The following HMBOX1 variants were observed in gnomAD, a reference collection of about 807,000 sequenced individuals.
The protein encoded by HMBOX1 is homeobox-containing protein 1.
Under a neutral mutation model 54.5 loss-of-function variants are expected in HMBOX1, and 14 were observed. The observed-to-expected ratio is 0.26, with a 90% CI of 0.17 to 0.40. The LOEUF is 0.40. Among genes scored for constraint, HMBOX1 ranks in the 10% least tolerant of loss-of-function variants. The pLI is 1.00. For missense variants in HMBOX1, 332 were observed against 514.4 expected (o/e 0.65, Z 3.43); for synonymous variants, 160 against 181.0 (o/e 0.88, Z 0.93).
intron 1 of HMBOX1, among the ~76,000 whole-genome samples, chr8:28,918,336 T>G (rs1816931484): frequency 6.6e-6 from 1 of 152,198 alleles, no homozygotes; most frequent in Non-Finnish European, 1.5e-5. Flanking sequence ...CCCAAGTAGC[T>G]GGGGCTACAG....
chr8:28,962,121 TA>T (rs1270511447), intron 1 of HMBOX1, among the ~76,000 whole-genome samples: 1 of 152,072 alleles, frequency 6.6e-6, no homozygotes, highest in Non-Finnish European at 1.5e-5. Context: ...GATCTGTTTT[TA>T]AAATAACTTG....
intron 6 of HMBOX1, among the ~76,000 whole-genome samples, chr8:29,026,566 G>C (rs532387899): frequency 6.6e-6 from 1 of 152,264 alleles, no homozygotes; most frequent in South Asian, 2.1e-4. Flanking sequence ...TCAGTGCACT[G>C]TTAGAAGCTT....
intron 4 of HMBOX1, among the ~76,000 whole-genome samples, chr8:28,982,754 T>C (rs944548512): frequency 6.6e-6 from 1 of 152,128 alleles, no homozygotes; most frequent in African/African-American, 2.4e-5. Flanking sequence ...GCCTCCCAAG[T>C]ACCTGGGATT....
At chr8:28,985,679 C>A (rs1337943401) in intron 4 of HMBOX1, among the ~76,000 whole-genome samples, 3 of 152,092 alleles carry the variant, frequency 2.0e-5, no homozygotes, top group Admixed American at 2.0e-4. Flanking sequence ...TAGGATAAAA[C>A]CACTGCATAT....
chr8:28,982,007 G>T (rs1039462378), intron 4 of HMBOX1, among the ~76,000 whole-genome samples: 1 of 152,136 alleles, frequency 6.6e-6, no homozygotes, highest in Admixed American at 6.5e-5. Flanking sequence ...GGAGGCCGAG[G>T]CAGGCAGATC....
intron 1 of HMBOX1, among the ~76,000 whole-genome samples, chr8:28,941,561 A>G (rs1436779006): frequency 1.3e-5 from 2 of 152,214 alleles, no homozygotes; most frequent in East Asian, 1.9e-4. Context: ...TGGCTTAGAA[A>G]AGAAACATTT....
intron 9 of HMBOX1, chr8:29,050,231 C>T (rs190426067): frequency 6.7e-5 from 66 of 984,572 alleles, no homozygotes; most frequent in East Asian, 1.1e-4. Flanking sequence ...CTCTTTGATA[C>T]GGAGTTCCCC....
intron 5 of HMBOX1, among the ~76,000 whole-genome samples, chr8:29,017,253 A>G (rs1835173803): frequency 6.6e-6 from 1 of 152,130 alleles, no homozygotes; most frequent in Admixed American, 6.5e-5. Flanking sequence ...GACTTCTTAT[A>G]TGGCCTCTGG....
chr8:28,970,073 T>A lies in HMBOX1; in HGVS notation c.54T>A (p.Asp18Glu). ...TGGAAACCATGTCTCATTATACAGA[T>A]GAACCCAGATTTACCATAGAGCAGA... ...VLLETMSHYT[D>E]EPRFTIEQID... Residue 18 changes from aspartate to glutamate, a missense_variant, in exon 3 of 10, where the codon GAT (aspartate) becomes GAA (glutamate). Asp to Glu is a conservative substitution (Grantham distance 45). Coordinates refer to ENST00000287701, the MANE Select transcript of HMBOX1 (RefSeq NM_001135726.3). The surrounding 1 kb of genome is among the most constrained non-coding windows in gnomAD (Gnocchi z 4.3). 6.2e-7 allele frequency: 1 copy of A among 1,613,458 alleles called. No homozygotes were observed. Among genetic ancestry groups the A allele is most frequent in the Non-Finnish European group, 8.5e-7 (1 of 1,179,384 alleles).
At chr8:28,957,386 G>A (rs1824652941) in intron 1 of HMBOX1, among the ~76,000 whole-genome samples, 1 of 152,308 alleles carries the variant, frequency 6.6e-6, no homozygotes, top group South Asian at 2.1e-4. Context: ...GATGAGAGCA[G>A]TAGACACTGG....
intron 5 of HMBOX1, 64 bp from the exon 6 acceptor site, chr8:29,018,696 G>A: frequency 5.3e-6 from 8 of 1,518,948 alleles, no homozygotes; most frequent in Non-Finnish European, 6.3e-6. Flanking sequence ...CCCATAGGAA[G>A]TAGATGTTAT....
intron 1 of HMBOX1, chr8:28,955,954 G>GC (rs1554543187): frequency 5.1e-4 from 9 of 17,552 alleles, no homozygotes; most frequent in African/African-American, 1.9e-3. Flanking sequence ...CTCTGTCTAG[G>GC]AAAAAAAAAA....
In HMBOX1 at chr8:28,976,185, A is replaced by G. The variant is rs543942988; in HGVS notation, c.501-3886A>G. On this transcript the variant is annotated intron_variant, in intron 3 of 9. Transcript: ENST00000287701. ...CAGATGTTTACTTTGGTCTTATATGATTACAGCAGATCGTTTGTTTCTTCC... is the reference window on the plus strand; with the variant it reads ...CAGATGTTTACTTTGGTCTTATATGGTTACAGCAGATCGTTTGTTTCTTCC... 2.0e-5 allele frequency among the ~76,000 whole-genome samples: 3 copies of G among 152,312 alleles called. No individual in the cohort carries two copies. The South Asian group carries it at 6.2e-4, about 32-fold the overall frequency.
At chr8:28,934,644 G>C (rs906757606) in intron 1 of HMBOX1, among the ~76,000 whole-genome samples, 22 of 152,146 alleles carry the variant, frequency 1.4e-4, no homozygotes, top group African/African-American at 5.3e-4. Flanking sequence ...TACAGAAATT[G>C]GCCGGGCGCG....
chr8:28,949,788 C>T (rs1823078968), intron 1 of HMBOX1: 1 of 151,970 alleles, frequency 6.6e-6, no homozygotes, highest in Non-Finnish European at 1.5e-5. Flanking sequence ...TATTGTAATA[C>T]AGGATAACAG....
At chr8:28,938,265 A>G (rs1820732223) in intron 1 of HMBOX1, among the ~76,000 whole-genome samples, 1 of 152,212 alleles carries the variant, frequency 6.6e-6, no homozygotes, top group Non-Finnish European at 1.5e-5. Flanking sequence ...CTGCTCTTGC[A>G]ATGTAATAGA....
chr8:28,931,598 G>A (rs895926259), intron 1 of HMBOX1, among the ~76,000 whole-genome samples: 1 of 152,098 alleles, frequency 6.6e-6, no homozygotes, highest in Non-Finnish European at 1.5e-5. Context: ...CTGGCGTGCA[G>A]TGTTACAATC....
At chr8:28,916,757 T>G (rs903486800) in intron 1 of HMBOX1, among the ~76,000 whole-genome samples, 6 of 152,204 alleles carry the variant, frequency 3.9e-5, no homozygotes, top group African/African-American at 1.4e-4. Flanking sequence ...TCCAACTTTT[T>G]TTTTTAAATC....
chr8:28,961,940 G>C (rs1825687697), intron 1 of HMBOX1, among the ~76,000 whole-genome samples: 1 of 113,740 alleles, frequency 8.8e-6, no homozygotes, highest in African/African-American at 3.3e-5. Flanking sequence ...TTTTGAGACA[G>C]GGACTCATCA....
Sources: gnomAD v4.1 joint callset for allele counts (sites outside exome capture counted in the v4.1 genomes callset) on GRCh38, gnomAD v4.1.1 for gene constraint, Gnocchi (gnomAD v3.1) non-coding constraint, MANE v1.5 for transcripts, NCBI Gene and HGNC (gene_info 2026-07-23, HGNC 2026-07-21) for gene names.